The following OR2L13 variants were observed in gnomAD, a reference collection of about 807,000 sequenced individuals.
OR2L13 encodes the protein olfactory receptor 2L13.
Under a neutral mutation model 15.3 loss-of-function variants are expected in OR2L13, and 14 were observed. The observed-to-expected ratio is 0.91, with a 90% confidence interval of 0.60 to 1.43. The LOEUF (loss-of-function observed/expected upper bound fraction) is 1.43, where lower values mean the gene tolerates loss of function less well. Among genes scored for constraint, OR2L13 ranks in the 40% most tolerant of loss-of-function variants. The pLI, the probability that OR2L13 is intolerant of heterozygous loss-of-function variation, is 0.00. For missense variants in OR2L13, 367 were observed against 387.9 expected (o/e 0.95, Z 0.45); for synonymous variants, 152 against 142.9 (o/e 1.06, Z -0.45).
the OR2L13 span, chr1:248,039,899 G>T: frequency 1.3e-5 from 2 of 152,134 alleles, no homozygotes; most frequent in Non-Finnish European, 2.9e-5. Context: ...TTATGTTTGT[G>T]GAGCAGCCAA....
the OR2L13 span, among the ~76,000 whole-genome samples, chr1:248,086,553 G>A: frequency 6.6e-6 from 1 of 152,012 alleles, no homozygotes; most frequent in Non-Finnish European, 1.5e-5. Flanking sequence ...GGTATACGGA[G>A]GTATTGCAGC....
the OR2L13 span, among the ~76,000 whole-genome samples, chr1:248,015,307 G>A: frequency 6.6e-6 from 1 of 152,130 alleles, no homozygotes; most frequent in Non-Finnish European, 1.5e-5. Context: ...GAAGGAAGGA[G>A]GAATCTCCTG....
the OR2L13 span, among the ~76,000 whole-genome samples, chr1:248,010,134 C>T: frequency 6.6e-6 from 1 of 152,144 alleles, no homozygotes; most frequent in Non-Finnish European, 1.5e-5. Flanking sequence ...CTCACCACTC[C>T]TATTCTGCAT....
the OR2L13 span, among the ~76,000 whole-genome samples, chr1:247,971,650 A>G: frequency 1.3e-5 from 2 of 152,106 alleles, no homozygotes; most frequent in African/African-American, 4.8e-5. Context: ...CTAGACTTAA[A>G]CTTCCACGCT....
the OR2L13 span, chr1:248,062,166 C>T: frequency 1.3e-5 from 2 of 152,920 alleles, no homozygotes; most frequent in African/African-American, 4.8e-5. Context: ...TTCTTAAGTC[C>T]TGATACCACT....
upstream of OR2L13, among the ~76,000 whole-genome samples, chr1:248,092,360 TA>T (rs1228662614): frequency 6.6e-6 from 1 of 152,112 alleles, no homozygotes; most frequent in Non-Finnish European, 1.5e-5. Context: ...AATGTCAAAA[TA>T]GATGAGGCAA....
chr1:248,048,922 TC>T, the OR2L13 span, among the ~76,000 whole-genome samples: 13 of 129,230 alleles, frequency 1.0e-4, no homozygotes, highest in African/African-American at 4.5e-4. Flanking sequence ...TTTCTCTCTC[TC>T]TTTTTTTTTT....
the OR2L13 span, among the ~76,000 whole-genome samples, chr1:247,956,475 G>C: frequency 2.7e-5 from 4 of 150,932 alleles, no homozygotes; most frequent in African/African-American, 9.7e-5. Flanking sequence ...TTCCAATTCT[G>C]TGAAGAAAGT....
chr1:248,027,967 C>T, the OR2L13 span, among the ~76,000 whole-genome samples: 4 of 151,350 alleles, frequency 2.6e-5, no homozygotes, highest in African/African-American at 4.9e-5. Flanking sequence ...AGTGAAACCC[C>T]GTCTCTACTA....
At chr1:247,995,958 T>A in the OR2L13 span, among the ~76,000 whole-genome samples, 1 of 152,180 alleles carries the variant, frequency 6.6e-6, no homozygotes, top group African/African-American at 2.4e-5. Flanking sequence ...AGAGTCTTCA[T>A]CTCCCTGTCT....
At chr1:248,090,076 G>A in the OR2L13 span, among the ~76,000 whole-genome samples, 12,303 of 152,066 alleles carry the variant, frequency 0.081, 632 homozygotes, top group African/African-American at 0.14. Context: ...GAGAGTTCAG[G>A]TCTTAAGCAT....
the OR2L13 span, among the ~76,000 whole-genome samples, chr1:247,994,288 T>C: frequency 2.6e-5 from 4 of 152,174 alleles, no homozygotes; most frequent in East Asian, 7.7e-4. Flanking sequence ...TCCCGGCTGC[T>C]TGAGAGGCTG....
chr1:248,019,161 T>C, the OR2L13 span, among the ~76,000 whole-genome samples: 1 of 152,192 alleles, frequency 6.6e-6, no homozygotes, highest in Non-Finnish European at 1.5e-5. Flanking sequence ...GTTAAATAGC[T>C]GGAGCATATA....
the OR2L13 span, among the ~76,000 whole-genome samples, chr1:248,004,353 T>C: frequency 6.6e-6 from 1 of 152,366 alleles, no homozygotes; most frequent in South Asian, 2.1e-4. Context: ...GGAAATGAAA[T>C]TTGTCTAACC....
At chr1:247,984,965 G>A in the OR2L13 span, among the ~76,000 whole-genome samples, 1 of 152,114 alleles carries the variant, frequency 6.6e-6, no homozygotes, top group Non-Finnish European at 1.5e-5. Flanking sequence ...GGTACTTCAT[G>A]TAGGTGAATT....
At chr1:248,073,765 T>A in the OR2L13 span, among the ~76,000 whole-genome samples, 152 of 151,964 alleles carry the variant, frequency 1.0e-3, no homozygotes, top group African/African-American at 3.6e-3. Flanking sequence ...AAAATAAATA[T>A]TATAGAAAAG....
the OR2L13 span, among the ~76,000 whole-genome samples, chr1:248,032,943 A>AT: frequency 1.3e-5 from 2 of 151,792 alleles, no homozygotes; most frequent in Non-Finnish European, 2.9e-5. Flanking sequence ...AAACACAATA[A>AT]TTTGACAACT....
At chr1:247,951,848 G>C in the OR2L13 span, among the ~76,000 whole-genome samples, 34 of 152,264 alleles carry the variant, frequency 2.2e-4, no homozygotes, top group Admixed American at 1.0e-3. Context: ...CCAAGCTAGG[G>C]ACACTTGGAC....
At chr1:248,000,184 T>G in the OR2L13 span, among the ~76,000 whole-genome samples, 1 of 151,566 alleles carries the variant, frequency 6.6e-6, no homozygotes, top group Non-Finnish European at 1.5e-5. Flanking sequence ...CCTATCAATT[T>G]TAAGGAGACC....
Sources: gnomAD v4.1 joint callset for allele counts (sites outside exome capture counted in the v4.1 genomes callset) on GRCh38, gnomAD v4.1.1 for gene constraint, MANE v1.5 for transcripts, NCBI Gene and HGNC (gene_info 2026-07-23, HGNC 2026-07-21) for gene names.